The following GRID2 variants were observed in gnomAD, a reference collection of about 807,000 sequenced individuals.
GRID2 encodes the protein glutamate receptor ionotropic, delta-2.
In GRID2, 33 loss-of-function variants were observed where a neutral mutation model predicts 114.8. The observed-to-expected ratio is 0.29, with a 90% CI of 0.22 to 0.38. The LOEUF is 0.38. Ranked by LOEUF, GRID2 falls within the 10% of genes least tolerant of loss-of-function variation. The probability of loss-of-function intolerance (pLI) is 1.00; values close to 1 mark genes in which losing one functional copy is unlikely to be tolerated. For synonymous variants in GRID2, 505 were observed against 449.9 expected (o/e 1.12, Z -1.55); for missense variants, 1,184 against 1,257.7 (o/e 0.94, Z 0.89).
chr4:92,598,885 A>T (rs62310143), intron 2 of GRID2, among the ~76,000 whole-genome samples: 8,733 of 152,000 alleles, frequency 0.057, 288 homozygotes, highest in East Asian at 0.12. Flanking sequence ...ATATTCTAGT[A>T]CTTTTATTAG....
At chr4:92,734,292 T>C (rs1352036118) in intron 2 of GRID2, among the ~76,000 whole-genome samples, 1 of 152,030 alleles carries the variant, frequency 6.6e-6, no homozygotes, top group Non-Finnish European at 1.5e-5. Flanking sequence ...TTGCTTTACT[T>C]TACTTTTTTT....
intron 4 of GRID2, among the ~76,000 whole-genome samples, chr4:93,116,130 T>C (rs2149357411): frequency 6.6e-6 from 1 of 152,302 alleles, no homozygotes; most frequent in South Asian, 2.1e-4. Context: ...CAATTTTAAA[T>C]AACTTTATAT....
intron 2 of GRID2, among the ~76,000 whole-genome samples, chr4:92,843,731 G>T (rs1743084238): frequency 6.6e-6 from 1 of 151,992 alleles, no homozygotes; most frequent in South Asian, 2.1e-4. Flanking sequence ...TGGAAAGGGA[G>T]GATTTTTTAC....
intron 4 of GRID2, among the ~76,000 whole-genome samples, chr4:93,141,419 GA>G (rs552727632): frequency 2.4e-3 from 363 of 152,222 alleles, no homozygotes; most frequent in African/African-American, 7.9e-3. Context: ...CAGTTACCTT[GA>G]CTCAAAAAGT....
chr4:93,116,029 T>C (rs1733212759), intron 4 of GRID2, among the ~76,000 whole-genome samples: 1 of 152,192 alleles, frequency 6.6e-6, no homozygotes, highest in African/African-American at 2.4e-5. Flanking sequence ...TGTCATCTCT[T>C]ACCTACCTTT....
intron 14 of GRID2, among the ~76,000 whole-genome samples, chr4:93,728,473 G>A (rs543484593): frequency 4.6e-5 from 7 of 152,162 alleles, no homozygotes; most frequent in African/African-American, 1.7e-4. Context: ...TTGATTTGGG[G>A]TGGAGAGTTC....
rs551304083 is a variant in GRID2 at position 93,243,979 on chromosome 4, A to G, written c.1245+5489A>G. Among the ~76,000 whole-genome samples the G allele has an allele frequency of 3.1e-4, 46 of 150,192 alleles. No individual in the cohort carries two copies. In the Middle Eastern group the frequency reaches 0.014, roughly 45 times the overall value. ...CTGTTAGTCACTATATAGAATTTCT[A>G]AAAAAAAAATTAATTTGAGCAAAAG... On this transcript the variant is annotated intron_variant, in intron 8 of 15. Transcript: ENST00000282020.
intron 2 of GRID2, among the ~76,000 whole-genome samples, chr4:92,723,757 T>C (rs930483607): frequency 2.0e-5 from 3 of 152,166 alleles, no homozygotes; most frequent in East Asian, 1.9e-4. Context: ...ATAGGAGAGA[T>C]GGCTCAAAGC....
chr4:92,334,320 T>C (rs1727053996), intron 1 of GRID2, among the ~76,000 whole-genome samples: 1 of 152,160 alleles, frequency 6.6e-6, no homozygotes, highest in Admixed American at 6.5e-5. Context: ...CCCTTAATGT[T>C]CCATTTATAG....
intron 2 of GRID2, among the ~76,000 whole-genome samples, chr4:92,917,389 C>G (rs1748896517): frequency 6.6e-6 from 1 of 152,086 alleles, no homozygotes; most frequent in Non-Finnish European, 1.5e-5. Flanking sequence ...TCAATTTTGG[C>G]TTTTGTTGCC....
At chr4:92,934,647 G>A (rs1163662498) in intron 2 of GRID2, among the ~76,000 whole-genome samples, 1 of 146,298 alleles carries the variant, frequency 6.8e-6, no homozygotes, top group African/African-American at 2.4e-5. Context: ...ATACTACAAG[G>A]CTACAGTAAC....
chr4:92,375,530 G>A (rs1729314611), intron 1 of GRID2, among the ~76,000 whole-genome samples: 2 of 152,042 alleles, frequency 1.3e-5, no homozygotes, highest in South Asian at 4.2e-4. Context: ...TCCATGCGTG[G>A]GATCTCTTTT....
chr4:93,725,197 T>C (rs1729746269), intron 14 of GRID2, among the ~76,000 whole-genome samples: 1 of 152,158 alleles, frequency 6.6e-6, no homozygotes, highest in Non-Finnish European at 1.5e-5. Flanking sequence ...TGTGTTCTCA[T>C]TGTTCAATTC....
chr4:92,944,187 C>G (rs1282083231), intron 2 of GRID2, among the ~76,000 whole-genome samples: 3 of 152,202 alleles, frequency 2.0e-5, no homozygotes, highest in Non-Finnish European at 4.4e-5. Flanking sequence ...GATGTGGAGT[C>G]TACAGAGGCA....
chr4:93,113,740 C>T (rs1732987377), intron 4 of GRID2, among the ~76,000 whole-genome samples: 1 of 152,130 alleles, frequency 6.6e-6, no homozygotes, highest in South Asian at 2.1e-4. Flanking sequence ...GTAAAGTATA[C>T]AGTCATGAAA....
chr4:93,216,272 ATG>A (rs559058759), intron 5 of GRID2, among the ~76,000 whole-genome samples: 2 of 151,076 alleles, frequency 1.3e-5, no homozygotes, highest in Non-Finnish European at 1.5e-5. Flanking sequence ...GTGTGTGTGC[ATG>A]TGTGTGTGTG....
intron 12 of GRID2, among the ~76,000 whole-genome samples, chr4:93,510,278 G>A (rs13150271): frequency 0.16 from 24,360 of 152,154 alleles, 2,609 homozygotes; most frequent in Middle Eastern, 0.3. Context: ...ATTGATGAGC[G>A]TTCTACACAA....
intron 12 of GRID2, among the ~76,000 whole-genome samples, chr4:93,492,907 C>G (rs1370725810): frequency 6.6e-6 from 1 of 151,712 alleles, no homozygotes; most frequent in Non-Finnish European, 1.5e-5. Flanking sequence ...CCACATTTTC[C>G]CTATACTCTA....
At chr4:93,249,707 A>G (rs1272445268) in intron 8 of GRID2, among the ~76,000 whole-genome samples, 3 of 152,204 alleles carry the variant, frequency 2.0e-5, no homozygotes, top group Admixed American at 1.3e-4. Context: ...ACACTGCTCA[A>G]AAGAAGACAT....
Sources: allele counts gnomAD v4.1 joint callset (sites outside exome capture counted in the v4.1 genomes callset), GRCh38; gene constraint gnomAD v4.1.1; transcripts MANE v1.5; gene names NCBI Gene and HGNC (gene_info 2026-07-23, HGNC 2026-07-21).